Variants in PROX2 observed in about 807,000 individuals in gnomAD.
PROX2 encodes the protein prospero homeobox protein 2.
In PROX2, 46 loss-of-function variants were observed where a neutral mutation model predicts 48.9. The observed-to-expected ratio is 0.94, with a 90% CI of 0.74 to 1.20. PROX2 has a LOEUF of 1.20. Ranked by LOEUF, PROX2 falls within the 50% of genes most tolerant of loss-of-function variation. The probability of loss-of-function intolerance (pLI) is 0.00; values close to 1 mark genes in which losing one functional copy is unlikely to be tolerated. For missense variants in PROX2, 663 were observed against 719.4 expected, an observed-to-expected ratio of 0.92 and a Z score of 0.90; for synonymous variants, 260 against 276.6, an observed-to-expected ratio of 0.94 and a Z score of 0.60.
At chr14:74,857,182 C>G (rs769498886) in intron 4 of PROX2, 187 bp from the exon 5 acceptor site, 4 of 524,450 alleles carry the variant, frequency 7.6e-6, no homozygotes, top group African/African-American at 1.9e-5. Context: ...TCAGAAAAAT[C>G]TAAATTAGCT....
At chr14:74,868,585 A>C (rs529891131) in intron 2 of PROX2, among the ~76,000 whole-genome samples, 1 of 151,940 alleles carries the variant, frequency 6.6e-6, no homozygotes, top group East Asian at 1.9e-4. Context: ...CTGTAATCCC[A>C]GCACTTTGGG....
intron 2 of PROX2, among the ~76,000 whole-genome samples, chr14:74,864,739 G>A (rs1441395777): frequency 6.6e-6 from 1 of 152,162 alleles, no homozygotes; most frequent in Non-Finnish European, 1.5e-5. Flanking sequence ...CTACTTGGGA[G>A]GCTGAGGCAG....
chr14:74,869,536 C>G (rs1883160643), intron 2 of PROX2, among the ~76,000 whole-genome samples: 1 of 152,124 alleles, frequency 6.6e-6, no homozygotes, highest in African/African-American at 2.4e-5. Flanking sequence ...CCTTGGCCTC[C>G]CAAAGTGCTG....
chr14:74,856,588 T>C, intron 5 of PROX2: 2 of 564,612 alleles, frequency 3.5e-6, no homozygotes, highest in Non-Finnish European at 6.3e-6. Flanking sequence ...AGCTTCAGAA[T>C]GAAGACTGGC....
In PROX2 at chr14:74,863,203, T is replaced by G. The variant is rs368908499; in HGVS notation, c.632A>C (p.Lys211Thr). The part of the protein sequence containing the change: ...SGAEKHQESE[K>T]PSFLPSGAPA... Reference sequence around the variant, plus strand: ...TGCTCCAGAAGGAAGGAAACTGGGCTTCTCAGACTCTTGGTGTTTTTCTGC... The same window carrying G: ...TGCTCCAGAAGGAAGGAAACTGGGCGTCTCAGACTCTTGGTGTTTTTCTGC... The change falls in exon 3 of 6, where the codon AAG (lysine) becomes ACG (threonine). Residue 211 changes from lysine (K) to threonine (T), a missense_variant. Lys to Thr is a moderately conservative substitution (Grantham distance 78, BLOSUM62 -1). Transcript: ENST00000556489. The G allele has an allele frequency of 9.3e-6, 15 of 1,613,926 alleles. No individual in the cohort carries two copies. The highest frequency in any genetic ancestry group is 1.3e-5 in the Non-Finnish European group (15 of 1,179,902).
chr14:74,870,838 G>A (rs576766871), intron 2 of PROX2, among the ~76,000 whole-genome samples: 2 of 152,216 alleles, frequency 1.3e-5, no homozygotes, highest in South Asian at 2.1e-4. Context: ...TCAGGAGTTC[G>A]AGACCAGTCT....
rs201978225 is a variant in PROX2 at position 74,863,759 on chromosome 14, C to T, written c.76G>A (p.Glu26Lys). The change falls in exon 3 of 6, where the codon GAG becomes AAG. Residue 26 changes from glutamate to lysine, a missense_variant. Glu to Lys is a moderately conservative substitution (Grantham distance 56). Transcript: ENST00000556489. Reference sequence around the variant, plus strand: ...AGCTCTGGAGGGGATGAGCTTCTCTCGCCTTCCGTACAAGCTTCTGCTAGG... The same window carrying T: ...AGCTCTGGAGGGGATGAGCTTCTCTTGCCTTCCGTACAAGCTTCTGCTAGG... ...SHLAEACTEGERSSSPPELDR... is the reference protein window; with the variant it reads ...SHLAEACTEGKRSSSPPELDR... 6.1e-5 allele frequency: 93 copies of T among 1,527,310 alleles called. No individual in the cohort carries two copies. Among genetic ancestry groups the T allele is most frequent in the Non-Finnish European group, 7.6e-5 (87 of 1,142,214 alleles). 94.6% of individuals were successfully genotyped at this position (1,527,310 alleles called of 1,614,324 possible).
At position 74,863,443 on chromosome 14, in the gene PROX2, C is replaced by T. The variant is rs564000021; in HGVS notation, c.392G>A (p.Arg131His). 9.3e-6 allele frequency: 15 copies of T among 1,613,200 alleles called. No homozygotes were observed. The highest frequency in any genetic ancestry group is 2.2e-5 in the South Asian group (2 of 90,942). The change falls in exon 3 of 6, where the codon CGT becomes CAT. Residue 131 changes from arginine (R) to histidine (H), a missense_variant. Physicochemically the swap from Arg to His is conservative, Grantham distance 29. Transcript: ENST00000556489. ...WDQGNRKGGPRVREQLHLLKQ... is the reference protein window; with the variant it reads ...WDQGNRKGGPHVREQLHLLKQ... Reference sequence around the variant, plus strand: ...CAGCAGATGAAGTTGTTCTCTCACACGAGGGCCCCCCTTCCTGTTGCCCTG... The same window carrying T: ...CAGCAGATGAAGTTGTTCTCTCACATGAGGGCCCCCCTTCCTGTTGCCCTG...
At chr14:74,864,242 TCTC>T (rs3083651) in intron 2 of PROX2, among the ~76,000 whole-genome samples, 5 of 151,936 alleles carry the variant, frequency 3.3e-5, no homozygotes, top group Non-Finnish European at 7.4e-5. Flanking sequence ...AGAAAAATCT[TCTC>T]CTGCTTGGGC....
At chr14:74,874,025 C>A (rs774539932) in intron 1 of PROX2, 22 of 520,508 alleles carry the variant, frequency 4.2e-5, no homozygotes, top group Admixed American at 2.3e-4. Context: ...TGTTATCTAA[C>A]AGGATGTCAA....
At position 74,862,714 on chromosome 14, in the gene PROX2, G is replaced by T. The variant is rs547913659; in HGVS notation, c.1121C>A (p.Ser374Tyr). 5 of 1,614,006 alleles carry T rather than the reference G, an allele frequency of 3.1e-6. No homozygotes were observed. The highest frequency in any genetic ancestry group is 4.2e-6 in the Non-Finnish European group (5 of 1,179,880). Residue 374 changes from serine (S) to tyrosine (Y), a missense_variant, in exon 3 of 6, where the codon TCC becomes TAC. Ser to Tyr is a moderately radical substitution (Grantham distance 144, BLOSUM62 -2). Transcript: ENST00000556489. ...PQDSSSQRHP[S>Y]SEPALRPWRT... The stretch of plus-strand genomic sequence containing the variant: ...CCAAGGTCGTAGGGCAGGCTCTGAG[G>T]AGGGGTGCCTCTGGGAAGATGAGTC...
At chr14:74,866,758 G>T (rs778491723) in intron 2 of PROX2, among the ~76,000 whole-genome samples, 28 of 152,238 alleles carry the variant, frequency 1.8e-4, no homozygotes, top group Admixed American at 6.5e-4. Flanking sequence ...AAGGAGTTTT[G>T]TAAAGAGGAC....
At position 74,857,088 on chromosome 14, in the gene PROX2, T is replaced by C. The variant is rs2091749934; in HGVS notation, c.1414-93A>G. ...TTCCAGCTCAGTATAGGGGTTCATA[T>C]ACGGCTTTAACCAGCATTAACAGGG... On this transcript the variant is annotated intron_variant, in intron 4 of 5. Transcript: ENST00000556489. The C allele has an allele frequency of 1.9e-6, 2 of 1,039,384 alleles. 1 individual carries two copies. Among genetic ancestry groups the C allele is most frequent in the Non-Finnish European group, 2.9e-6 (2 of 692,920 alleles). 64.4% of individuals were successfully genotyped at this position (1,039,384 alleles called of 1,614,324 possible).
rs1312325855 is a variant in PROX2, at chr14:74,862,740, C to CTGGG, written c.1091_1094dup (p.Gln365HisfsTer23). On this transcript the variant is annotated frameshift_variant, in exon 3 of 6. Transcript: ENST00000556489. LOFTEE classifies it high-confidence loss of function. ...AGGGGTGCCTCTGGGAAGATGAGTC[C>CTGGG]TGGGGAGGACTGCTACTCCAATGGC... The CTGGG allele has an allele frequency of 1.9e-6, 3 of 1,613,902 alleles. No individual in the cohort carries two copies. The highest frequency in any genetic ancestry group is 2.5e-6 in the Non-Finnish European group (3 of 1,179,850).
In PROX2 at chr14:74,856,803, C is replaced by CA; in HGVS notation, c.1605dup (p.Glu536Ter). 1 of 1,613,420 alleles carries CA rather than the reference C, an allele frequency of 6.2e-7. No homozygotes were observed. Among genetic ancestry groups the CA allele is most frequent in the South Asian group, 1.1e-5 (1 of 91,072 alleles). Reference sequence around the variant, plus strand: ...GGGAACCCAGTACATGGTCTTACCTCAAAGTCATTTCCCTTGTTGTAGTGC... The same window carrying CA: ...GGGAACCCAGTACATGGTCTTACCTCAAAAGTCATTTCCCTTGTTGTAGTGC... On this transcript the variant is annotated frameshift_variant, in exon 5 of 6. Coordinates refer to ENST00000556489, the MANE Select transcript of PROX2 (RefSeq NM_001243007.2). LOFTEE classifies it high-confidence loss of function.
At chr14:74,875,606 C>A (rs1249852540) in intron 1 of PROX2, among the ~76,000 whole-genome samples, 20 of 152,146 alleles carry the variant, frequency 1.3e-4, no homozygotes, top group Non-Finnish European at 5.9e-5. Context: ...GGGTGAGAAT[C>A]TAATGAAAGA....
chr14:74,873,157 G>A (rs1883255740), intron 1 of PROX2, among the ~76,000 whole-genome samples: 1 of 151,992 alleles, frequency 6.6e-6, no homozygotes, highest in Admixed American at 6.6e-5. Context: ...CTAATTTTTT[G>A]TATTTTTAGT....
rs769269471 is a variant in PROX2, at chr14:74,862,900, G to A, written c.935C>T (p.Pro312Leu). The A allele has an allele frequency of 1.2e-6, 2 of 1,613,904 alleles. No individual in the cohort carries two copies. Among genetic ancestry groups the A allele is most frequent in the East Asian group, 2.2e-5 (1 of 44,884 alleles). ...NLSLAKRLDS[P>L]RYPIPPRMTP... ...CATTCTTGGAGGGATAGGGTACCTA[G>A]GAGAATCTAGACGCTTGGCCAGTGA... The change falls in exon 3 of 6, where the codon CCT becomes CTT. Residue 312 changes from proline (P) to leucine (L), a missense_variant. By Grantham distance (98) the Pro-to-Leu change is moderately conservative. Transcript: ENST00000556489.
At chr14:74,855,880 C>T (rs923828784) in intron 5 of PROX2, 2 of 151,088 alleles carry the variant, frequency 1.3e-5, no homozygotes, top group Admixed American at 6.6e-5. Flanking sequence ...CAAATGACCA[C>T]CCTATGTGGA....
Sources: allele counts gnomAD v4.1 joint callset (sites outside exome capture counted in the v4.1 genomes callset), GRCh38; gene constraint gnomAD v4.1.1; transcripts MANE v1.5; gene names NCBI Gene and HGNC (gene_info 2026-07-23, HGNC 2026-07-21).